Variants in EIF3E observed in about 807,000 individuals in gnomAD.
EIF3E encodes eIF-3 p48.
Under a neutral mutation model 59.3 loss-of-function variants are expected in EIF3E, and 25 were observed. The ratio of observed to expected loss-of-function variants is 0.42; its 90% CI spans 0.31 to 0.59. The LOEUF is 0.59. Ranked by LOEUF, EIF3E falls within the 20% of genes least tolerant of loss-of-function variation. EIF3E has a pLI of 0.15. For synonymous variants in EIF3E, 176 were observed against 170.2 expected, an observed-to-expected ratio of 1.03 and a Z score of -0.26; for missense variants, 317 against 534.3, an observed-to-expected ratio of 0.59 and a Z score of 4.01.
chr8:108,239,797 T>C (rs1288469191), intron 3 of EIF3E, among the ~76,000 whole-genome samples, 161 bp downstream of exon 3: 5 of 152,178 alleles, frequency 3.3e-5, no homozygotes, highest in African/African-American at 1.2e-4. Context: ...TTATTAATTA[T>C]ACTGGCCCCT....
At chr8:108,242,659 G>T (rs1180319022) in intron 1 of EIF3E, 1 of 1,133,330 alleles carries the variant, frequency 8.8e-7, no homozygotes, top group East Asian at 6.2e-5. Flanking sequence ...AGCCATGAGA[G>T]CAAAATCGAA....
Position 108,236,162 on chromosome 8 carries a change from C to A in EIF3E, c.365G>T (p.Gly122Val). Reference sequence around the variant, plus strand: ...TTAAAATATTTTTAAAACACTTACACCATGCTTGTCCGCCAGGTAGTCAAA... The same window carrying A: ...TTAAAATATTTTTAAAACACTTACAACATGCTTGTCCGCCAGGTAGTCAAA... ...MLFDYLADKH[G>V]FRQEYLDTLY... Residue 122 changes from glycine to valine, a missense_variant and splice_region_variant, in exon 4 of 13, where the codon GGT (glycine) becomes GTT (valine). This residue lies in a region of EIF3E where 242 missense variants were observed against 398.0 expected (regional missense o/e 0.61). Coordinates refer to ENST00000220849, the MANE Select transcript of EIF3E (RefSeq NM_001568.3). The A allele has an allele frequency of 6.2e-7, 1 of 1,610,022 alleles. No individual in the cohort carries two copies. The highest frequency in any genetic ancestry group is 8.5e-7 in the Non-Finnish European group (1 of 1,178,282).
intron 7 of EIF3E, among the ~76,000 whole-genome samples, chr8:108,222,337 G>T (rs1185988363): frequency 6.6e-6 from 1 of 152,166 alleles, no homozygotes; most frequent in African/African-American, 2.4e-5. Flanking sequence ...GAGCTACCAT[G>T]CCCAGCCAGA....
At chr8:108,205,440 C>T (rs531330599) in intron 10 of EIF3E, among the ~76,000 whole-genome samples, 2 of 152,290 alleles carry the variant, frequency 1.3e-5, no homozygotes, top group East Asian at 3.9e-4. Context: ...TGAGTCTCTA[C>T]AATCTATCTT....
At chr8:108,235,279 G>A (rs1409536250) in intron 4 of EIF3E, among the ~76,000 whole-genome samples, 177 bp from the exon 5 acceptor site, 1 of 152,124 alleles carries the variant, frequency 6.6e-6, no homozygotes, top group Admixed American at 6.6e-5. Flanking sequence ...CAGCTTTTGG[G>A]AGACTTTTAT....
At chr8:108,219,451 A>G (rs1055563423) in intron 7 of EIF3E, among the ~76,000 whole-genome samples, 1 of 152,258 alleles carries the variant, frequency 6.6e-6, no homozygotes, top group African/African-American at 2.4e-5. Flanking sequence ...AATGAGACCA[A>G]TGGAATTCTT....
intron 10 of EIF3E, among the ~76,000 whole-genome samples, chr8:108,213,375 T>C (rs1457350596): frequency 6.6e-6 from 1 of 152,180 alleles, no homozygotes; most frequent in African/African-American, 2.4e-5. Flanking sequence ...CACACTATAC[T>C]GTACAAAGCA....
rs140487668 is a variant in EIF3E at position 108,209,375 on chromosome 8, T to C, written c.1061+5232A>G. ...GTTATCAGGATTCACTGACCCTACC[T>C]AATTTTCTTCTCATTGTTCCCCAAT... On this transcript the variant is annotated intron_variant, in intron 10 of 12. Coordinates refer to ENST00000220849, the MANE Select transcript of EIF3E (RefSeq NM_001568.3). Among the ~76,000 whole-genome samples the C allele has an allele frequency of 2.3e-3, 354 of 152,270 alleles. 1 individual carries two copies. The highest frequency in any genetic ancestry group is 8.0e-3 in the African/African-American group (332 of 41,586).
intron 7 of EIF3E, among the ~76,000 whole-genome samples, chr8:108,219,728 T>A (rs1390502613): frequency 1.3e-5 from 2 of 151,360 alleles, no homozygotes; most frequent in African/African-American, 4.9e-5. Context: ...ATAATAATAA[T>A]AAAATTGAGG....
rs1159461051 is a variant in EIF3E, at chr8:108,236,160, C to T, written c.366+1G>A. 6.2e-7 allele frequency: 1 copy of T among 1,609,932 alleles called. No individual in the cohort carries two copies. Among genetic ancestry groups the T allele is most frequent in the African/African-American group, 1.3e-5 (1 of 74,906 alleles). ...CTTTAAAATATTTTTAAAACACTTA[C>T]ACCATGCTTGTCCGCCAGGTAGTCA... is the stretch of plus-strand genomic sequence containing the variant. On this transcript the variant is annotated splice_donor_variant, in intron 4 of 12. Transcript: ENST00000220849. LOFTEE classifies it high-confidence loss of function.
chr8:108,217,576 A>G, intron 7 of EIF3E, 116 bp from the exon 8 acceptor site: 3 of 785,756 alleles, frequency 3.8e-6, no homozygotes, highest in Non-Finnish European at 5.7e-6. Context: ...ACACTTAAGA[A>G]TGAGTATTAT....
chr8:108,233,603 A>C, intron 5 of EIF3E: 1 of 333,210 alleles, frequency 3.0e-6, no homozygotes. Flanking sequence ...AAGCATTGAA[A>C]GGCTGAGGAG....
chr8:108,219,191 A>G (rs919688464), intron 7 of EIF3E, among the ~76,000 whole-genome samples: 3 of 152,208 alleles, frequency 2.0e-5, no homozygotes, highest in Non-Finnish European at 4.4e-5. Context: ...TGTTCAACTC[A>G]TAGTTATTTT....
At chr8:108,229,224 T>G in intron 5 of EIF3E, 29 bp from the exon 6 acceptor site, 1 of 1,606,166 alleles carries the variant, frequency 6.2e-7, no homozygotes, top group Non-Finnish European at 8.5e-7. Flanking sequence ...TTAATTATAT[T>G]GTGAATACTC....
chr8:108,232,466 T>G (rs985361620), intron 5 of EIF3E, among the ~76,000 whole-genome samples: 2 of 152,158 alleles, frequency 1.3e-5, no homozygotes, highest in African/African-American at 4.8e-5. Context: ...TGCAAAAGTT[T>G]AAAACTAACC....
chr8:108,217,526 G>A (rs1002321035), intron 7 of EIF3E, 66 bp from the exon 8 acceptor site: 42 of 1,370,772 alleles, frequency 3.1e-5, no homozygotes, highest in African/African-American at 2.9e-4. Flanking sequence ...CTCTCGAGCA[G>A]GTCATTAGAT....
intron 3 of EIF3E, among the ~76,000 whole-genome samples, chr8:108,238,661 T>C (rs1002981608): frequency 5.3e-5 from 8 of 152,214 alleles, no homozygotes; most frequent in South Asian, 2.1e-4. Context: ...TGGTATAGTA[T>C]AGTATAGTAC....
chr8:108,216,946 G>A (rs1213713018), intron 8 of EIF3E, among the ~76,000 whole-genome samples: 1 of 152,130 alleles, frequency 6.6e-6, no homozygotes, highest in Non-Finnish European at 1.5e-5. Context: ...ATGGCTGCCT[G>A]AAACCTTTTG....
At chr8:108,223,563 C>T (rs1815460198) in intron 7 of EIF3E, among the ~76,000 whole-genome samples, 2 of 152,076 alleles carry the variant, frequency 1.3e-5, no homozygotes, top group South Asian at 4.1e-4. Context: ...ATTGAGAAAA[C>T]AAAATACTCT....
Sources: allele counts gnomAD v4.1 joint callset (sites outside exome capture counted in the v4.1 genomes callset), GRCh38; gene constraint gnomAD v4.1.1; regional missense constraint gnomAD v4.1.1; transcripts MANE v1.5; gene names NCBI Gene and HGNC (gene_info 2026-07-23, HGNC 2026-07-21).